Variants in CLEC7A observed in about 807,000 individuals in gnomAD.
CLEC7A encodes C-type lectin domain containing 7A, also known as C-type lectin domain family 7 member A.
CLEC7A carries 25 observed loss-of-function variants against 26.9 expected under a neutral mutation model. That is an observed-to-expected ratio of 0.93 (90% CI 0.68 to 1.30). The LOEUF (loss-of-function observed/expected upper bound fraction) is 1.30, where lower values mean the gene tolerates loss of function less well. CLEC7A is among the 50% of genes most tolerant of loss of function. The pLI, the probability that CLEC7A is intolerant of heterozygous loss-of-function variation, is 0.00. For missense variants in CLEC7A, 275 were observed against 286.7 expected (o/e 0.96, Z 0.29); for synonymous variants, 100 against 99.5 (o/e 1.01, Z -0.03).
rs746020801 is a variant in CLEC7A at position 10,127,777 on chromosome 12, G to C, written c.172C>G (p.Leu58Val). 2 of 1,590,596 alleles carry C rather than the reference G, an allele frequency of 1.3e-6. No individual in the cohort carries two copies. Among genetic ancestry groups the C allele is most frequent in the Non-Finnish European group, 1.7e-6 (2 of 1,167,424 alleles). ...GTACCCAGGACCACAGCTATCACCA[G>C]TATTACCAAGCATAGGATTCCCAAA... ...VILGILCLVI[L>V]VIAVVLGTMA... The change falls in exon 2 of 6, where the codon CTG becomes GTG. Residue 58 changes from leucine (L) to valine (V), a missense_variant. Leu to Val is a conservative substitution (Grantham distance 32). Coordinates refer to ENST00000304084, the MANE Select transcript of CLEC7A (RefSeq NM_197947.3).
chr12:10,119,276 A>G lies in CLEC7A; in HGVS notation c.612-686T>C, dbSNP rs567427642. ...TTGGCACTCTTTGTCCTGGTTATGT[A>G]TCTCTCCCTCTTGACCCTGAGGTTG... On this transcript the variant is annotated intron_variant, in intron 5 of 5. Coordinates refer to ENST00000304084, the MANE Select transcript of CLEC7A (RefSeq NM_197947.3). 2.6e-5 allele frequency among the ~76,000 whole-genome samples: 4 copies of G among 152,316 alleles called. No individual in the cohort carries two copies. The East Asian group carries it at 7.7e-4, about 29-fold the overall frequency.
At chr12:10,126,158 T>A (rs996245078) in intron 3 of CLEC7A, 1 of 983,592 alleles carries the variant, frequency 1.0e-6, no homozygotes, top group Non-Finnish European at 1.2e-6. Context: ...CATTTTCCCT[T>A]CTTTCCTTTC....
In CLEC7A at chr12:10,130,044, A is replaced by G. The variant is rs139998327; in HGVS notation, c.39T>C (p.Asp13=). The G allele has an allele frequency of 1.6e-5, 26 of 1,609,510 alleles. No homozygotes were observed. In the African/African-American group the frequency reaches 2.7e-4, roughly 17 times the overall value. Residue 13 remains aspartate, a synonymous_variant, in exon 1 of 6, where the codon GAT becomes GAC. Coordinates refer to ENST00000304084, the MANE Select transcript of CLEC7A (RefSeq NM_197947.3). ...YHPDLENLDE[D]GYTQLHFDSQ... is the part of the protein sequence containing the mutation. ...AGTCGAAGTGTAATTGAGTATATCC[A>G]TCTTCATCCAAATTTTCTAAATCAG...
chr12:10,118,147 C>G lies in CLEC7A; in HGVS notation c.*311G>C, dbSNP rs1947966323. The stretch of plus-strand genomic sequence containing the variant: ...AGTGAGTCGAGATTGTGCCACTGCA[C>G]TCCAGCCTGGGTAACAAAGTGAGAC... On this transcript the variant is annotated 3_prime_UTR_variant, in exon 6 of 6. Transcript: ENST00000304084. 1.2e-5 allele frequency: 3 copies of G among 260,300 alleles called. No individual in the cohort carries two copies. The South Asian group carries it at 1.3e-4, about 11-fold the overall frequency. The allele number at this position is 260,300 out of a possible 1,614,324, so 16.1% of individuals were successfully genotyped here.
At position 10,118,477 on chromosome 12, in the gene CLEC7A, T is replaced by C. The variant is rs1458236572; in HGVS notation, c.725A>G (p.Glu242Gly). The C allele has an allele frequency of 1.2e-6, 2 of 1,610,676 alleles. No homozygotes were observed. The highest frequency in any genetic ancestry group is 4.5e-5 in the East Asian group (2 of 44,832). Reference sequence around the variant, plus strand: ...TTCCTCTTACATTGAAAACTTCTTCTCACAAATACTATATGAGGGCACACT... The same window carrying C: ...TTCCTCTTACATTGAAAACTTCTTCCCACAAATACTATATGAGGGCACACT... ...LCSVPSYSICEKKFSM is the reference protein window; with the variant it reads ...LCSVPSYSICGKKFSM Residue 242 changes from glutamate (E) to glycine (G), a missense_variant, in exon 6 of 6, where the codon GAG (glutamate) becomes GGG (glycine). Transcript: ENST00000304084.
intron 5 of CLEC7A, among the ~76,000 whole-genome samples, chr12:10,121,571 A>G (rs1036830911): frequency 2.6e-5 from 4 of 152,220 alleles, no homozygotes; most frequent in African/African-American, 4.8e-5. Flanking sequence ...CCAGAAACAC[A>G]TATGTTTGTA....
At position 10,125,294 on chromosome 12, in the gene CLEC7A, T is replaced by TA. The variant is rs752770917; in HGVS notation, c.492+2dup. Reference sequence around the variant, plus strand: ...GATAATCATAACAGAAGTCTACACTTACCAATTCATTTGAGCTGTCTATCT... The same window carrying TA: ...GATAATCATAACAGAAGTCTACACTTAACCAATTCATTTGAGCTGTCTATCT... On this transcript the variant is annotated splice_region_variant and intron_variant, in intron 4 of 5. Transcript: ENST00000304084. 3.1e-6 allele frequency: 5 copies of TA among 1,612,758 alleles called. 1 individual carries two copies. In the South Asian group the frequency reaches 5.5e-5, roughly 18 times the overall value.
rs373306442 is a variant in CLEC7A, at chr12:10,123,379, T to C, written c.493-16A>G. On this transcript the variant is annotated splice_polypyrimidine_tract_variant and intron_variant, in intron 4 of 5. Coordinates refer to ENST00000304084, the MANE Select transcript of CLEC7A (RefSeq NM_197947.3). ...CTATAAATCCCTGTAATGAAACATA[T>C]ACAAATATATAATAAAGAGAGAGAG... The C allele has an allele frequency of 5.5e-6, 7 of 1,281,518 alleles. No individual in the cohort carries two copies. Among genetic ancestry groups the C allele is most frequent in the Non-Finnish European group, 8.0e-6 (7 of 878,010 alleles). The allele number at this position is 1,281,518 out of a possible 1,614,324, so 79.4% of individuals were successfully genotyped here.
chr12:10,118,489 T>C lies in CLEC7A; in HGVS notation c.713A>G (p.Tyr238Cys). 18 of 1,611,526 alleles carry C rather than the reference T, an allele frequency of 1.1e-5. No homozygotes were observed. Among genetic ancestry groups the C allele is most frequent in the Non-Finnish European group, 1.5e-5 (18 of 1,177,698 alleles). ...IYDQLCSVPSYSICEKKFSM is the reference protein window; with the variant it reads ...IYDQLCSVPSCSICEKKFSM ...TGAAAACTTCTTCTCACAAATACTA[T>C]ATGAGGGCACACTACACAGTTGGTC... is the stretch of plus-strand genomic sequence containing the variant. The change falls in exon 6 of 6, where the codon TAT becomes TGT. Residue 238 changes from tyrosine to cysteine, a missense_variant. Tyr to Cys is a radical substitution (Grantham distance 194). Coordinates refer to ENST00000304084, the MANE Select transcript of CLEC7A (RefSeq NM_197947.3).
At chr12:10,125,495 A>G (rs1258053632) in intron 3 of CLEC7A, 47 bp from the exon 4 acceptor site, 2 of 1,516,644 alleles carry the variant, frequency 1.3e-6, no homozygotes, top group East Asian at 2.3e-5. Flanking sequence ...ATACCAATTC[A>G]CTCTTTTAGT....
At chr12:10,129,946 C>A in intron 1 of CLEC7A, 34 bp downstream of exon 1, 1 of 1,255,120 alleles carries the variant, frequency 8.0e-7, no homozygotes, top group Non-Finnish European at 1.2e-6. Context: ...AACGGGAGAG[C>A]TAAAGGCACA....
At chr12:10,129,843 C>T in intron 1 of CLEC7A, 137 bp downstream of exon 1, 1 of 525,798 alleles carries the variant, frequency 1.9e-6, no homozygotes, top group South Asian at 2.3e-5. Flanking sequence ...GCCTCGAACT[C>T]CTGACCTCAG....
intron 3 of CLEC7A, 131 bp from the exon 4 acceptor site, chr12:10,125,579 C>A: frequency 1.5e-6 from 1 of 657,158 alleles, no homozygotes; most frequent in South Asian, 2.7e-5. Context: ...ATTGTCAATT[C>A]GAACTACAGG....
At chr12:10,127,468 T>C in intron 2 of CLEC7A, 6 of 1,611,572 alleles carry the variant, frequency 3.7e-6, no homozygotes, top group Non-Finnish European at 5.1e-6. Flanking sequence ...AGGAGAGCAA[T>C]GTAGTTAAGA....
intron 4 of CLEC7A, 173 bp downstream of exon 4, chr12:10,125,124 T>C: frequency 1.5e-6 from 1 of 685,988 alleles, no homozygotes; most frequent in Non-Finnish European, 2.6e-6. Context: ...CACTTGAGCC[T>C]GGGATGTCGC....
Position 10,123,404 on chromosome 12 carries a change from G to C in CLEC7A, c.493-41C>G, listed in dbSNP as rs571106532. ...TACAAATATATAATAAAGAGAGAGA[G>C]AGAGAGAGAAAGAAACTATTATCAT... is the stretch of plus-strand genomic sequence containing the variant. On this transcript the variant is annotated intron_variant, in intron 4 of 5. Transcript: ENST00000304084. 57 of 1,134,840 alleles carry C rather than the reference G, an allele frequency of 5.0e-5. No individual in the cohort carries two copies. The South Asian group carries it at 7.0e-4, about 14-fold the overall frequency. 70.3% of individuals were successfully genotyped at this position (1,134,840 alleles called of 1,614,324 possible).
intron 3 of CLEC7A, among the ~76,000 whole-genome samples, chr12:10,125,860 G>C (rs1175865708): frequency 6.6e-6 from 1 of 152,132 alleles, no homozygotes; most frequent in African/African-American, 2.4e-5. Flanking sequence ...CTTTCCAAGT[G>C]AGAAAAGTAT....
chr12:10,127,670 G>A, intron 2 of CLEC7A, 77 bp downstream of exon 2: 1 of 1,057,096 alleles, frequency 9.5e-7, no homozygotes. Context: ...TGCATGTCAA[G>A]CCCTTAAAAG....
intron 2 of CLEC7A, chr12:10,127,439 C>A: frequency 6.2e-7 from 1 of 1,613,462 alleles, no homozygotes; most frequent in Non-Finnish European, 8.5e-7. Context: ...AGCTTTGAAA[C>A]CAGCTATGTA....
Sources: allele counts gnomAD v4.1 joint callset (sites outside exome capture counted in the v4.1 genomes callset), GRCh38; gene constraint gnomAD v4.1.1; transcripts MANE v1.5; gene names NCBI Gene and HGNC (gene_info 2026-07-23, HGNC 2026-07-21).